Variants in CCDC47 observed in about 807,000 individuals in gnomAD.
The protein encoded by CCDC47 is PAT complex subunit CCDC47.
CCDC47 carries 41 observed loss-of-function variants against 60.5 expected under a neutral mutation model. The ratio of observed to expected loss-of-function variants is 0.68; its 90% CI spans 0.53 to 0.88. CCDC47 has a LOEUF of 0.88. CCDC47 is among the 40% of genes least tolerant of loss of function. CCDC47 has a pLI of 0.00. For synonymous variants in CCDC47, 195 were observed against 190.7 expected (o/e 1.02, Z -0.18); for missense variants, 513 against 580.9 (o/e 0.88, Z 1.20).
At chr17:63,758,253 T>C (rs2039222648) in intron 6 of CCDC47, among the ~76,000 whole-genome samples, 1 of 152,226 alleles carries the variant, frequency 6.6e-6, no homozygotes, top group Admixed American at 6.5e-5. Flanking sequence ...AATAGTTAGT[T>C]GGTCAGAAGT....
chr17:63,765,741 G>C, intron 2 of CCDC47, 171 bp downstream of exon 2: 1 of 1,402,150 alleles, frequency 7.1e-7, no homozygotes, highest in Non-Finnish European at 9.3e-7. Flanking sequence ...AATTCATTCT[G>C]TTAATGTAAA....
intron 4 of CCDC47, 117 bp downstream of exon 4, chr17:63,763,899 C>T (rs2039278861): frequency 3.5e-6 from 2 of 575,574 alleles, no homozygotes; most frequent in Admixed American, 8.3e-5. Flanking sequence ...AGAGAAAAAA[C>T]AATGCACCCT....
intron 1 of CCDC47, among the ~76,000 whole-genome samples, chr17:63,770,409 A>C (rs2039329678): frequency 6.6e-6 from 1 of 152,116 alleles, no homozygotes; most frequent in South Asian, 2.1e-4. Context: ...TGTAGACTCA[A>C]GTGGGAGAAA....
At chr17:63,772,588 A>G (rs1262204832) in intron 1 of CCDC47, among the ~76,000 whole-genome samples, 2 of 151,970 alleles carry the variant, frequency 1.3e-5, no homozygotes, top group Non-Finnish European at 2.9e-5. Flanking sequence ...CTTTTTTTTC[A>G]TATAGAAGCA....
intron 6 of CCDC47, among the ~76,000 whole-genome samples, chr17:63,759,260 G>A (rs1357673659): frequency 2.7e-5 from 4 of 150,756 alleles, no homozygotes; most frequent in Non-Finnish European, 4.4e-5. Flanking sequence ...AGGCTGAGGC[G>A]GGTGGATCAC....
At chr17:63,762,114 C>T (rs2039265966) in intron 4 of CCDC47, 1 of 984,708 alleles carries the variant, frequency 1.0e-6, no homozygotes, top group Admixed American at 6.2e-5. Context: ...CTGGGTCTTA[C>T]TAATGGTATT....
intron 2 of CCDC47, chr17:63,765,633 C>A (rs1044302527): frequency 8.1e-6 from 9 of 1,108,670 alleles, no homozygotes; most frequent in Non-Finnish European, 9.9e-6. Context: ...AGCCACCGTG[C>A]CCAGCCAATT....
In CCDC47 at chr17:63,769,962, T is replaced by C. The variant is rs1049515478; in HGVS notation, c.-20+3450A>G. On this transcript the variant is annotated intron_variant, in intron 1 of 12. Coordinates refer to ENST00000225726, the MANE Select transcript of CCDC47 (RefSeq NM_020198.3). ...GATATTTTGTCTTTATTTTTCTTTC[T>C]TTTTTTTTTTTTTTTTGAGGCAGAG... is the stretch of plus-strand genomic sequence containing the variant. Among the ~76,000 whole-genome samples, 5 of 15,818 alleles carry C rather than the reference T, an allele frequency of 3.2e-4. No homozygotes were observed. In the African/African-American group the frequency reaches 0.013, roughly 41 times the overall value. The allele number at this position is 15,818 out of a possible 152,430, so 10.4% of individuals were successfully genotyped here.
At chr17:63,747,133 C>T (rs2039126390) in intron 12 of CCDC47, 172 bp from the exon 13 acceptor site, 1 of 980,878 alleles carries the variant, frequency 1.0e-6, no homozygotes, top group South Asian at 4.7e-5. Flanking sequence ...AAATAATTGC[C>T]AATATCTACA....
chr17:63,762,273 G>A (rs1365314436), intron 4 of CCDC47: 1 of 984,336 alleles, frequency 1.0e-6, no homozygotes, highest in African/African-American at 1.7e-5. Flanking sequence ...GGAAGTAGAA[G>A]GAGCCAAAGC....
At chr17:63,766,973 C>T (rs969410911) in intron 1 of CCDC47, 1 of 979,580 alleles carries the variant, frequency 1.0e-6, no homozygotes, top group Non-Finnish European at 1.2e-6. Flanking sequence ...AGAGCAAACA[C>T]TTAAATCACT....
At chr17:63,753,680 T>G in intron 9 of CCDC47, 1 of 969,126 alleles carries the variant, frequency 1.0e-6, no homozygotes, top group Non-Finnish European at 1.2e-6. Flanking sequence ...CATTGTGGGC[T>G]TCTATGCTAG....
rs1197038918 is a variant in CCDC47, at chr17:63,756,355, A to C, written c.838-5T>G. ...TTTATCACTACAAAACTCACTCTAG[A>C]GGAAGAAGTAATTGAAAGTAAGATA... is the stretch of plus-strand genomic sequence containing the variant. On this transcript the variant is annotated splice_polypyrimidine_tract_variant and splice_region_variant and intron_variant, in intron 7 of 12. Coordinates refer to ENST00000225726, the MANE Select transcript of CCDC47 (RefSeq NM_020198.3). 1 of 1,610,376 alleles carries C rather than the reference A, an allele frequency of 6.2e-7. No individual in the cohort carries two copies. Among genetic ancestry groups the C allele is most frequent in the East Asian group, 2.2e-5 (1 of 44,870 alleles).
chr17:63,770,651 A>G (rs2039331337), intron 1 of CCDC47, among the ~76,000 whole-genome samples: 1 of 152,130 alleles, frequency 6.6e-6, no homozygotes, highest in Non-Finnish European at 1.5e-5. Context: ...ATCGAAGGTT[A>G]TTGTCGAATG....
chr17:63,771,509 G>A (rs138180263), intron 1 of CCDC47, among the ~76,000 whole-genome samples: 89 of 152,250 alleles, frequency 5.8e-4, no homozygotes, highest in African/African-American at 2.1e-3. Context: ...ATGCCACTTT[G>A]TCAATGCCAG....
At chr17:63,758,212 G>T (rs931497997) in intron 6 of CCDC47, among the ~76,000 whole-genome samples, 2 of 152,324 alleles carry the variant, frequency 1.3e-5, no homozygotes, top group Admixed American at 1.3e-4. Context: ...ACAAATTATT[G>T]GTTGAGTGGG....
intron 6 of CCDC47, among the ~76,000 whole-genome samples, 174 bp downstream of exon 6, chr17:63,760,740 G>A (rs1327230140): frequency 4.0e-5 from 6 of 151,682 alleles, no homozygotes; most frequent in African/African-American, 1.5e-4. Context: ...TTGGGAGGCT[G>A]AGGCAGGAGA....
intron 4 of CCDC47, chr17:63,762,282 G>T: frequency 1.0e-6 from 1 of 980,310 alleles, no homozygotes; most frequent in Non-Finnish European, 1.2e-6. Flanking sequence ...AGGAGCCAAA[G>T]CTGCTCATTT....
At chr17:63,754,328 T>G (rs2039188940) in intron 9 of CCDC47, 105 bp downstream of exon 9, 1 of 709,566 alleles carries the variant, frequency 1.4e-6, no homozygotes, top group African/African-American at 1.8e-5. Context: ...GTCACCAACT[T>G]CCTTCACACA....
Sources: allele counts gnomAD v4.1 joint callset (sites outside exome capture counted in the v4.1 genomes callset), GRCh38; gene constraint gnomAD v4.1.1; transcripts MANE v1.5; gene names NCBI Gene and HGNC (gene_info 2026-07-23, HGNC 2026-07-21).